The following CEP15 variants were observed in gnomAD, a reference collection of about 807,000 sequenced individuals.
The protein encoded by CEP15 is centrosomal protein 15 kDa.
the CEP15 span, among the ~76,000 whole-genome samples, chr3:62,326,315 C>G: frequency 6.6e-6 from 1 of 152,168 alleles, no homozygotes; most frequent in Non-Finnish European, 1.5e-5. Flanking sequence ...TTAATAAATG[C>G]TTACATTGTA....
chr3:62,323,239 T>G, the CEP15 span, among the ~76,000 whole-genome samples: 2 of 152,122 alleles, frequency 1.3e-5, no homozygotes, highest in African/African-American at 4.8e-5. Context: ...ACCCAGAAAC[T>G]TTGTGTGATC....
the CEP15 span, among the ~76,000 whole-genome samples, chr3:62,320,236 T>C: frequency 5.3e-5 from 8 of 152,242 alleles, no homozygotes; most frequent in African/African-American, 1.9e-4. Flanking sequence ...GAAGACAATA[T>C]GAAATATGTT....
chr3:62,331,041 T>C, the CEP15 span, among the ~76,000 whole-genome samples: 9 of 152,234 alleles, frequency 5.9e-5, no homozygotes, highest in South Asian at 1.2e-3. Flanking sequence ...AAGACACTCT[T>C]GGTGCATGAA....
At chr3:62,321,937 C>A in the CEP15 span, 1 of 1,589,204 alleles carries the variant, frequency 6.3e-7, no homozygotes, top group South Asian at 1.2e-5. This position sits in a 1 kb window ranked among gnomAD's most constrained non-coding sequence, Gnocchi z 4.1. Flanking sequence ...TAGAGTATCA[C>A]AAAGATTAAT....
the CEP15 span, chr3:62,334,348 A>C: frequency 6.6e-6 from 1 of 152,216 alleles, no homozygotes; most frequent in Non-Finnish European, 1.5e-5. The surrounding 1 kb of genome is among the most constrained non-coding windows in gnomAD (Gnocchi z 4.9). Flanking sequence ...TAAATTTCAA[A>C]CTGGTTTATG....
At chr3:62,325,345 T>C in the CEP15 span, among the ~76,000 whole-genome samples, 2 of 152,186 alleles carry the variant, frequency 1.3e-5, no homozygotes, top group African/African-American at 4.8e-5. Flanking sequence ...GAATTTGCCT[T>C]GAACTCAATA....
the CEP15 span, chr3:62,334,162 T>TGTCA: frequency 6.6e-6 from 1 of 151,560 alleles, no homozygotes; most frequent in Non-Finnish European, 1.5e-5. This position sits in a 1 kb window ranked among gnomAD's most constrained non-coding sequence, Gnocchi z 4.9. Flanking sequence ...CTGAAAAAAC[T>TGTCA]GTCAGTCAGA....
At chr3:62,323,086 G>GAT in the CEP15 span, among the ~76,000 whole-genome samples, 1 of 152,324 alleles carries the variant, frequency 6.6e-6, no homozygotes, top group Admixed American at 6.5e-5. Flanking sequence ...TGCAGCACGT[G>GAT]ATATGATATT....
the CEP15 span, among the ~76,000 whole-genome samples, chr3:62,321,198 C>T: frequency 2.6e-5 from 4 of 152,236 alleles, no homozygotes; most frequent in East Asian, 1.9e-4. This position sits in a 1 kb window ranked among gnomAD's most constrained non-coding sequence, Gnocchi z 4.1. Context: ...ATCTTTTAAT[C>T]ATCTTACATA....
At chr3:62,323,573 T>C in the CEP15 span, among the ~76,000 whole-genome samples, 1 of 152,182 alleles carries the variant, frequency 6.6e-6, no homozygotes, top group African/African-American at 2.4e-5. Context: ...AAGGAAAATA[T>C]AGACTTATAT....
chr3:62,325,633 T>G, the CEP15 span, among the ~76,000 whole-genome samples: 1 of 152,128 alleles, frequency 6.6e-6, no homozygotes, highest in South Asian at 2.1e-4. Context: ...TGGTATAGAT[T>G]TGAAAGAGAA....
At chr3:62,328,943 G>A in the CEP15 span, among the ~76,000 whole-genome samples, 53,881 of 146,850 alleles carry the variant, frequency 0.37, 10,861 homozygotes, top group East Asian at 0.58. Context: ...TTCACACTTC[G>A]TCCTCTATGT....
At chr3:62,319,544 C>T in the CEP15 span, 1 of 152,242 alleles carries the variant, frequency 6.6e-6, no homozygotes, top group Non-Finnish European at 1.5e-5. Context: ...TTTCCGTTTT[C>T]CTTGGCCGGG....
At chr3:62,331,549 C>T in the CEP15 span, 2 of 618,504 alleles carry the variant, frequency 3.2e-6, no homozygotes, top group Non-Finnish European at 5.6e-6. Context: ...TTTATGTCCA[C>T]AGTACTGTAC....
At chr3:62,320,529 G>A in the CEP15 span, 5 of 1,607,562 alleles carry the variant, frequency 3.1e-6, no homozygotes, top group South Asian at 4.4e-5. Context: ...AGAAATGTAA[G>A]TTTTTTTAAA....
chr3:62,329,761 T>C, the CEP15 span, among the ~76,000 whole-genome samples: 1 of 152,232 alleles, frequency 6.6e-6, no homozygotes, highest in Non-Finnish European at 1.5e-5. Context: ...ATGCTTATAA[T>C]ATTGTCTACA....
the CEP15 span, among the ~76,000 whole-genome samples, chr3:62,326,104 G>A: frequency 5.9e-5 from 9 of 151,776 alleles, no homozygotes; most frequent in African/African-American, 1.7e-4. Flanking sequence ...CAAACACTCC[G>A]GGGTGAGAAA....
At chr3:62,328,781 A>G in the CEP15 span, among the ~76,000 whole-genome samples, 2 of 127,564 alleles carry the variant, frequency 1.6e-5, no homozygotes, top group African/African-American at 4.9e-5. Flanking sequence ...ACTCAGATGC[A>G]TAAAGGTTGT....
chr3:62,332,285 CCTTTA>C, the CEP15 span, among the ~76,000 whole-genome samples: 1 of 152,100 alleles, frequency 6.6e-6, no homozygotes, highest in Admixed American at 6.6e-5. Flanking sequence ...AGCAGGATGA[CCTTTA>C]CTTTATGTAT....
Sources: gnomAD v4.1 joint callset for allele counts (sites outside exome capture counted in the v4.1 genomes callset) on GRCh38, gnomAD v4.1.1 for gene constraint, Gnocchi (gnomAD v3.1) non-coding constraint, MANE v1.5 for transcripts, NCBI Gene and HGNC (gene_info 2026-07-23, HGNC 2026-07-21) for gene names.